Variants in SCAMP1 observed in about 807,000 individuals in gnomAD.
SCAMP1 encodes the protein secretory carrier-associated membrane protein 1.
A neutral mutation model predicts 41.8 loss-of-function variants in SCAMP1; 15 were observed. The ratio of observed to expected loss-of-function variants is 0.36; its 90% confidence interval spans 0.24 to 0.55. The LOEUF (loss-of-function observed/expected upper bound fraction) is 0.55. SCAMP1 is among the 20% of genes least tolerant of loss of function. SCAMP1 has a pLI of 0.86. For missense variants in SCAMP1, 341 were observed against 412.6 expected (o/e 0.83, Z 1.50); for synonymous variants, 135 against 136.8 (o/e 0.99, Z 0.09).
chr5:78,443,895 G>A (rs556621183), intron 6 of SCAMP1, among the ~76,000 whole-genome samples: 13 of 152,012 alleles, frequency 8.6e-5, no homozygotes, highest in African/African-American at 3.1e-4. Context: ...GAGCTCAAGC[G>A]AACCTCCCAC....
In SCAMP1 at chr5:78,368,735, A is replaced by G. The variant is rs1009355749; in HGVS notation, c.57+8007A>G. Among the ~76,000 whole-genome samples, 6 of 152,170 alleles carry G rather than the reference A, an allele frequency of 3.9e-5. 1 individual carries two copies. Among genetic ancestry groups the G allele is most frequent in the African/African-American group, 9.7e-5 (4 of 41,442 alleles). ...TCTAGGAAGAACAATTTAAGTTTCA[A>G]TTACTCAGTGGATTTAGTCTACAGA... is the stretch of plus-strand genomic sequence containing the variant. On this transcript the variant is annotated intron_variant, in intron 1 of 8. Coordinates refer to ENST00000621999, the MANE Select transcript of SCAMP1 (RefSeq NM_004866.6).
At chr5:78,398,541 A>ATT (rs57209214) in intron 2 of SCAMP1, among the ~76,000 whole-genome samples, 3 of 44,228 alleles carry the variant, frequency 6.8e-5, no homozygotes, top group African/African-American at 1.6e-4. Flanking sequence ...AAGGTTCACT[A>ATT]TTTTTTTTTT....
intron 1 of SCAMP1, among the ~76,000 whole-genome samples, chr5:78,371,104 C>A (rs2112049006): frequency 6.6e-6 from 1 of 152,006 alleles, no homozygotes; most frequent in African/African-American, 2.4e-5. Context: ...CTTTTTTTCC[C>A]ATTTTCTGGG....
rs966208463 is a variant in SCAMP1, at chr5:78,365,484, A to C, written c.57+4756A>C. Among the ~76,000 whole-genome samples, 18 of 151,610 alleles carry C rather than the reference A, an allele frequency of 1.2e-4. 1 individual carries two copies. The highest frequency in any genetic ancestry group is 3.9e-4 in the African/African-American group (16 of 41,388). On this transcript the variant is annotated intron_variant, in intron 1 of 8. Coordinates refer to ENST00000621999, the MANE Select transcript of SCAMP1 (RefSeq NM_004866.6). ...GCGAGACTCATCTCAAAAAAAAAAAAAAAAAAAAAAAAAAGTTCTGTTTAA... is the reference window on the plus strand; with the variant it reads ...GCGAGACTCATCTCAAAAAAAAAAACAAAAAAAAAAAAAAGTTCTGTTTAA...
At chr5:78,458,896 A>G (rs1196932979) in intron 7 of SCAMP1, among the ~76,000 whole-genome samples, 1 of 152,188 alleles carries the variant, frequency 6.6e-6, no homozygotes, top group Non-Finnish European at 1.5e-5. Context: ...AAGAGTAATA[A>G]TAAATTCAAA....
At chr5:78,405,266 G>A (rs960129014) in intron 2 of SCAMP1, among the ~76,000 whole-genome samples, 35 of 152,148 alleles carry the variant, frequency 2.3e-4, no homozygotes, top group Admixed American at 1.3e-4. Context: ...TAAAAACCAT[G>A]AGTCTTTAAA....
At chr5:78,444,392 T>C (rs1224303960) in intron 6 of SCAMP1, among the ~76,000 whole-genome samples, 3 of 151,848 alleles carry the variant, frequency 2.0e-5, no homozygotes, top group Non-Finnish European at 1.5e-5. Flanking sequence ...GGCAAGAGAG[T>C]GTGTGCAGGG....
intron 8 of SCAMP1, among the ~76,000 whole-genome samples, chr5:78,466,525 T>C (rs1753755268): frequency 1.3e-5 from 2 of 152,258 alleles, no homozygotes; most frequent in South Asian, 2.1e-4. Context: ...GGAAATAACA[T>C]GGCAAATTCA....
intron 6 of SCAMP1, among the ~76,000 whole-genome samples, chr5:78,424,726 A>T (rs1752423726): frequency 6.6e-6 from 1 of 152,238 alleles, no homozygotes; most frequent in Admixed American, 6.5e-5. Flanking sequence ...CCTCAAAAAA[A>T]AAGAAGAAAA....
At chr5:78,400,689 A>G (rs1015988712) in intron 2 of SCAMP1, among the ~76,000 whole-genome samples, 8 of 152,198 alleles carry the variant, frequency 5.3e-5, no homozygotes, top group African/African-American at 9.6e-5. Context: ...ACTTTTGTAT[A>G]TTAACTTTGT....
intron 2 of SCAMP1, among the ~76,000 whole-genome samples, chr5:78,410,866 G>T (rs993832223): frequency 6.6e-6 from 1 of 152,142 alleles, no homozygotes; most frequent in African/African-American, 2.4e-5. Context: ...GTATCTCATT[G>T]TGGTTTTGAT....
Position 78,418,898 on chromosome 5 carries a change from G to T in SCAMP1, c.467G>T (p.Trp156Leu). 1.3e-6 allele frequency: 2 copies of T among 1,562,160 alleles called. No individual in the cohort carries two copies. The highest frequency in any genetic ancestry group is 1.7e-6 in the Non-Finnish European group (2 of 1,156,204). The part of the protein sequence containing the change: ...QKTVKLMYYL[W>L]MFHAVTLFLN... ...ACAGTAAAGCTTATGTACTACTTGTGGATGTGTGAGTATACAACAATTTAC... is the reference window on the plus strand; with the variant it reads ...ACAGTAAAGCTTATGTACTACTTGTTGATGTGTGAGTATACAACAATTTAC... The change falls in exon 5 of 9, where the codon TGG becomes TTG. Residue 156 changes from tryptophan to leucine, a missense_variant. Transcript: ENST00000621999.
chr5:78,397,569 A>G (rs1344507830), intron 2 of SCAMP1, among the ~76,000 whole-genome samples: 1 of 152,228 alleles, frequency 6.6e-6, no homozygotes, highest in Non-Finnish European at 1.5e-5. Flanking sequence ...TGCAGATCAC[A>G]TATTTGATAA....
chr5:78,440,227 C>T (rs1357704549), intron 6 of SCAMP1, among the ~76,000 whole-genome samples: 10 of 152,154 alleles, frequency 6.6e-5, no homozygotes, highest in Admixed American at 1.3e-4. Context: ...AGTCATTCTC[C>T]GTTCAGCTTT....
intron 8 of SCAMP1, among the ~76,000 whole-genome samples, chr5:78,470,654 C>T (rs75078333): frequency 0.02 from 3,029 of 152,122 alleles, 115 homozygotes; most frequent in African/African-American, 0.068. Context: ...TTTGCTTTTA[C>T]CTCTCTTGTG....
In SCAMP1 at chr5:78,476,355, T is replaced by C; in HGVS notation, c.*687T>C. ...TCAGGGGTTAATGGAATCACAGAAA[T>C]GATATTCTGCAAGAATTTCTTTTAA... On this transcript the variant is annotated 3_prime_UTR_variant, in exon 9 of 9. Coordinates refer to ENST00000621999, the MANE Select transcript of SCAMP1 (RefSeq NM_004866.6). 1 of 152,312 alleles carries C rather than the reference T, an allele frequency of 6.6e-6. No individual in the cohort carries two copies. Among genetic ancestry groups the C allele is most frequent in the Non-Finnish European group, 1.5e-5 (1 of 68,030 alleles). 9.4% of individuals were successfully genotyped at this position (152,312 alleles called of 1,614,324 possible).
chr5:78,452,688 C>A (rs1277202532), intron 7 of SCAMP1, among the ~76,000 whole-genome samples: 3 of 148,642 alleles, frequency 2.0e-5, no homozygotes, highest in Non-Finnish European at 3.0e-5. Flanking sequence ...ATTTATAGTC[C>A]TTTGGGTATA....
chr5:78,386,652 C>T (rs1751349045), intron 1 of SCAMP1, among the ~76,000 whole-genome samples: 1 of 151,580 alleles, frequency 6.6e-6, no homozygotes, highest in Non-Finnish European at 1.5e-5. Flanking sequence ...GTAGTGCTGG[C>T]TTTGTAGTGG....
chr5:78,417,605 T>G (rs1484330425), intron 4 of SCAMP1, among the ~76,000 whole-genome samples: 1 of 152,232 alleles, frequency 6.6e-6, no homozygotes, highest in African/African-American at 2.4e-5. Flanking sequence ...TAACTCATAC[T>G]TAAATCATCA....
Sources: gnomAD v4.1 joint callset for allele counts (sites outside exome capture counted in the v4.1 genomes callset) on GRCh38, gnomAD v4.1.1 for gene constraint, MANE v1.5 for transcripts, NCBI Gene and HGNC (gene_info 2026-07-23, HGNC 2026-07-21) for gene names.